Variants in RARB observed in about 807,000 individuals in gnomAD.
The protein encoded by RARB is retinoic acid receptor beta, also known as HBV-activated protein.
A neutral mutation model predicts 51.9 loss-of-function variants in RARB; 17 were observed. The ratio of observed to expected loss-of-function variants is 0.33; its 90% CI spans 0.22 to 0.49. The LOEUF (loss-of-function observed/expected upper bound fraction) is 0.49. Ranked by LOEUF, RARB falls within the 20% of genes least tolerant of loss-of-function variation. The pLI, the probability that RARB is intolerant of heterozygous loss-of-function variation, is 0.99. For synonymous variants in RARB, 215 were observed against 195.4 expected, an observed-to-expected ratio of 1.10 and a Z score of -0.84; for missense variants, 369 against 550.8, an observed-to-expected ratio of 0.67 and a Z score of 3.30.
intron 5 of RARB, among the ~76,000 whole-genome samples, chr3:25,198,697 C>G (rs321526): frequency 6.6e-6 from 1 of 151,776 alleles, no homozygotes; most frequent in Admixed American, 6.6e-5. Flanking sequence ...GGTGGCCAAC[C>G]TTACTGAGCA....
chr3:25,409,323 G>A (rs893981715), intron 5 of RARB, among the ~76,000 whole-genome samples: 1 of 152,120 alleles, frequency 6.6e-6, no homozygotes. Flanking sequence ...TGTTAGCAAA[G>A]GCTCTGCAAA....
At chr3:25,036,617 T>A (rs1697999964) in intron 2 of RARB, among the ~76,000 whole-genome samples, 1 of 152,192 alleles carries the variant, frequency 6.6e-6, no homozygotes, top group Non-Finnish European at 1.5e-5. Flanking sequence ...CTCTAAGTGA[T>A]GAAACCCCAG....
At chr3:25,119,018 C>T (rs1699736329) in intron 3 of RARB, among the ~76,000 whole-genome samples, 1 of 152,056 alleles carries the variant, frequency 6.6e-6, no homozygotes, top group African/African-American at 2.4e-5. Flanking sequence ...AAATATCATG[C>T]AGTTTTTTAA....
intron 5 of RARB, among the ~76,000 whole-genome samples, chr3:25,245,224 A>C (rs1273277900): frequency 6.6e-6 from 1 of 152,130 alleles, no homozygotes; most frequent in African/African-American, 2.4e-5. Flanking sequence ...GGTCTCCTGA[A>C]TACACCACAC....
At chr3:25,013,958 G>A (rs1697453337) in intron 2 of RARB, among the ~76,000 whole-genome samples, 1 of 152,086 alleles carries the variant, frequency 6.6e-6, no homozygotes, top group Admixed American at 6.6e-5. Context: ...TGTTTGGATT[G>A]AGGTGTTTAA....
chr3:24,932,601 C>T (rs1294331406), intron 2 of RARB, among the ~76,000 whole-genome samples: 1 of 151,954 alleles, frequency 6.6e-6, no homozygotes, highest in Non-Finnish European at 1.5e-5. Context: ...TGAAAGTCTT[C>T]TATATGTTTA....
chr3:25,050,745 T>C (rs1698316650), intron 2 of RARB, among the ~76,000 whole-genome samples: 1 of 152,250 alleles, frequency 6.6e-6, no homozygotes, highest in East Asian at 1.9e-4. Flanking sequence ...GTGCTCATTC[T>C]TCCTCCCCCA....
intron 2 of RARB, among the ~76,000 whole-genome samples, chr3:25,051,711 T>A (rs971774887): frequency 1.3e-5 from 2 of 152,000 alleles, no homozygotes; most frequent in Admixed American, 6.6e-5. Context: ...GACAAGCATA[T>A]AAACAAAATA....
intron 1 of RARB, among the ~76,000 whole-genome samples, chr3:24,839,941 A>T (rs1041059287): frequency 6.6e-6 from 1 of 152,212 alleles, no homozygotes; most frequent in African/African-American, 2.4e-5. Flanking sequence ...AAATGTCTCC[A>T]GCTGAGTGGG....
At chr3:25,191,735 C>G (rs1036707909) in intron 5 of RARB, among the ~76,000 whole-genome samples, 5 of 152,100 alleles carry the variant, frequency 3.3e-5, no homozygotes, top group Non-Finnish European at 7.4e-5. Context: ...CAGAAATTCT[C>G]TGTTCCCAAA....
chr3:25,119,965 A>G (rs1392783916), intron 3 of RARB, among the ~76,000 whole-genome samples: 1 of 152,150 alleles, frequency 6.6e-6, no homozygotes, highest in Non-Finnish European at 1.5e-5. Context: ...TTTGATGGAT[A>G]TAGAGCACAA....
intron 1 of RARB, among the ~76,000 whole-genome samples, chr3:25,445,827 G>C (rs904078714): frequency 2.6e-5 from 4 of 152,194 alleles, no homozygotes; most frequent in Admixed American, 2.6e-4. Context: ...GACGTTGAAA[G>C]CTGGGAACAG....
chr3:25,320,028 C>T (rs1575309437), intron 5 of RARB, among the ~76,000 whole-genome samples: 1 of 142,370 alleles, frequency 7.0e-6, no homozygotes, highest in Admixed American at 7.0e-5. Context: ...TAAGGATCAT[C>T]TTTTTTTTTT....
chr3:25,464,354 A>G (rs1467808594), intron 2 of RARB, among the ~76,000 whole-genome samples: 6 of 152,232 alleles, frequency 3.9e-5, no homozygotes, highest in African/African-American at 1.2e-4. Flanking sequence ...GAAAAACCCC[A>G]ATAAAAACAA....
intron 5 of RARB, among the ~76,000 whole-genome samples, chr3:25,313,433 T>C (rs1459857147): frequency 6.6e-6 from 1 of 152,194 alleles, no homozygotes; most frequent in African/African-American, 2.4e-5. Context: ...TTATGCCTAA[T>C]GTAGGAAGTA....
At chr3:24,999,859 C>T (rs953874665) in intron 2 of RARB, among the ~76,000 whole-genome samples, 3 of 151,734 alleles carry the variant, frequency 2.0e-5, no homozygotes, top group African/African-American at 7.3e-5. Context: ...GCAAAAATGG[C>T]CCCAGACAAC....
chr3:24,868,258 C>G (rs535130672), intron 2 of RARB, among the ~76,000 whole-genome samples: 2 of 152,126 alleles, frequency 1.3e-5, no homozygotes, highest in South Asian at 2.1e-4. Context: ...TTTTAGAGAT[C>G]AAAATAATTA....
At chr3:25,235,507 GGTGTTTA>G (rs1702281970) in intron 5 of RARB, among the ~76,000 whole-genome samples, 1 of 152,136 alleles carries the variant, frequency 6.6e-6, no homozygotes, top group South Asian at 2.1e-4. Context: ...AAAGTTGAAA[GGTGTTTA>G]GTCTTCATTA....
In RARB at chr3:25,106,472, TG is replaced by T. The variant is rs71624325; in HGVS notation, c.-327-25688del. Among the ~76,000 whole-genome samples the T allele has an allele frequency of 7.4e-4, 96 of 130,262 alleles. 2 individuals are homozygous for T. Among genetic ancestry groups the T allele is most frequent in the Non-Finnish European group, 9.2e-4 (57 of 62,200 alleles). The allele number at this position is 130,262 out of a possible 152,430, so 85.5% of individuals were successfully genotyped here. The stretch of plus-strand genomic sequence containing the variant: ...TTTTGTTTTTTGTTTTTTTTTGTTT[TG>T]TTTTTTTTTTGTAGAGACAGGGTTT... On this transcript the variant is annotated intron_variant, in intron 3 of 11. Transcript: ENST00000383772.
Sources: gnomAD v4.1 joint callset for allele counts (sites outside exome capture counted in the v4.1 genomes callset) on GRCh38, gnomAD v4.1.1 for gene constraint, MANE v1.5 for transcripts, NCBI Gene and HGNC (gene_info 2026-07-23, HGNC 2026-07-21) for gene names.